Variants in PTK2 observed in about 807,000 individuals in gnomAD.
The protein encoded by PTK2 is protein tyrosine kinase 2.
A neutral mutation model predicts 150.1 loss-of-function variants in PTK2; 45 were observed. That is an observed-to-expected ratio of 0.30 (90% CI 0.24 to 0.38). PTK2 has a LOEUF of 0.38. PTK2 is among the 10% of genes least tolerant of loss of function. PTK2 has a pLI of 1.00. For missense variants in PTK2, 919 were observed against 1,307.3 expected, an observed-to-expected ratio of 0.70 and a Z score of 4.58; for synonymous variants, 432 against 449.2, an observed-to-expected ratio of 0.96 and a Z score of 0.48.
At chr8:140,752,197 CAA>C (rs1265925076) in intron 17 of PTK2, 33 bp downstream of exon 20, 2 of 1,533,794 alleles carry the variant, frequency 1.3e-6, no homozygotes, top group Non-Finnish European at 1.8e-6. Context: ...GATAGAAAGT[CAA>C]ATGGAGTTCC....
intron 1 of PTK2, among the ~76,000 whole-genome samples, chr8:140,991,722 T>G (rs373597136): frequency 3.7e-4 from 56 of 152,170 alleles, no homozygotes; most frequent in African/African-American, 1.3e-3. Flanking sequence ...TTAAAAACCT[T>G]GCGAGGCCAG....
chr8:140,691,619 G>A (rs1434253447), intron 26 of PTK2, among the ~76,000 whole-genome samples: 1 of 152,146 alleles, frequency 6.6e-6, no homozygotes, highest in Admixed American at 6.5e-5. Context: ...CTAGAACACC[G>A]GACAAACAGG....
At chr8:140,888,919 A>G (rs1418041892) in intron 3 of PTK2, among the ~76,000 whole-genome samples, 4 of 152,204 alleles carry the variant, frequency 2.6e-5, no homozygotes, top group African/African-American at 7.2e-5. Flanking sequence ...ACATACACTA[A>G]AAGCCTTACA....
intron 2 of PTK2, among the ~76,000 whole-genome samples, chr8:140,900,390 T>C (rs1481257484): frequency 1.3e-5 from 2 of 151,860 alleles, no homozygotes; most frequent in Non-Finnish European, 2.9e-5. Context: ...AAGAAGTAAA[T>C]GATCAACATA....
chr8:140,798,173 T>C (rs1330446482), intron 12 of PTK2, among the ~76,000 whole-genome samples: 1 of 152,140 alleles, frequency 6.6e-6, no homozygotes, highest in Non-Finnish European at 1.5e-5. Context: ...AGGAAAACGG[T>C]ACATTAGAGT....
chr8:140,726,381 T>C (rs979994482), intron 22 of PTK2, among the ~76,000 whole-genome samples: 1 of 152,172 alleles, frequency 6.6e-6, no homozygotes, highest in Non-Finnish European at 1.5e-5. Context: ...CTAAATTTTA[T>C]AAAAGATATG....
At chr8:140,917,540 G>C (rs1290686050) in intron 2 of PTK2, among the ~76,000 whole-genome samples, 1 of 152,288 alleles carries the variant, frequency 6.6e-6, no homozygotes, top group East Asian at 1.9e-4. Context: ...AATGAAATTA[G>C]AATGGCCAAA....
chr8:140,661,410 T>C (rs1344122233), intron 31 of PTK2, among the ~76,000 whole-genome samples: 2 of 152,220 alleles, frequency 1.3e-5, no homozygotes, highest in South Asian at 2.1e-4. Context: ...GTTGTTTGCA[T>C]GTGTGTAGGG....
At chr8:140,662,246 G>A (rs1563787484) in intron 31 of PTK2, among the ~76,000 whole-genome samples, 2 of 151,778 alleles carry the variant, frequency 1.3e-5, no homozygotes, top group Admixed American at 1.3e-4. Context: ...ATAGTGAGCT[G>A]TGATGGAGTC....
chr8:140,984,836 C>T (rs1314649361), intron 1 of PTK2, among the ~76,000 whole-genome samples: 1 of 152,048 alleles, frequency 6.6e-6, no homozygotes, highest in East Asian at 1.9e-4. Context: ...GAGTAATAGA[C>T]AATAAGGGAA....
At chr8:140,754,510 AT>A (rs2100064580) in intron 16 of PTK2, among the ~76,000 whole-genome samples, 1 of 152,192 alleles carries the variant, frequency 6.6e-6, no homozygotes, top group Non-Finnish European at 1.5e-5. Flanking sequence ...GAAAATGTCC[AT>A]TTTATAGACG....
chr8:140,783,719 T>C (rs1216181440), intron 14 of PTK2, among the ~76,000 whole-genome samples: 2 of 152,238 alleles, frequency 1.3e-5, no homozygotes, highest in East Asian at 3.8e-4. Context: ...TTAAATGTTT[T>C]AATAGTTCAG....
chr8:140,666,624 C>A lies in PTK2; in HGVS notation c.2866-1627G>T, dbSNP rs560039507. Among the ~76,000 whole-genome samples, 4 of 152,158 alleles carry A rather than the reference C, an allele frequency of 2.6e-5. No homozygotes were observed. In the East Asian group the frequency reaches 5.8e-4, roughly 22 times the overall value. On this transcript the variant is annotated intron_variant, in intron 30 of 31. Coordinates refer to ENST00000522684, the Ensembl canonical transcript of PTK2. ...TTCAAAATAACCCCCCAGAAAATAA[C>A]ACGTTTTGGTGAGAATATGGAGAAA...
At position 140,700,751 on chromosome 8, in the gene PTK2, C is replaced by T. The variant is rs2100029750; in HGVS notation, c.2499+140G>A. The T allele has an allele frequency of 4.4e-6, 5 of 1,124,478 alleles. No homozygotes were observed. In the African/African-American group the frequency reaches 6.3e-5, roughly 14 times the overall value. The allele number at this position is 1,124,478 out of a possible 1,614,324, so 69.7% of individuals were successfully genotyped here. ...TCAGCCTCCCAAATAGGCCACCATG[C>T]CTGGCCTATTCCAAGTTTTAAGAAG... On this transcript the variant is annotated intron_variant, in intron 26 of 31. Coordinates refer to ENST00000522684, the Ensembl canonical transcript of PTK2.
chr8:140,905,783 C>T (rs2100160638), intron 2 of PTK2, among the ~76,000 whole-genome samples: 1 of 152,114 alleles, frequency 6.6e-6, no homozygotes, highest in Non-Finnish European at 1.5e-5. Context: ...TAAAATACTC[C>T]TCAGCAAATG....
At chr8:140,839,198 G>A (rs988410963) in intron 7 of PTK2, among the ~76,000 whole-genome samples, 3 of 152,224 alleles carry the variant, frequency 2.0e-5, no homozygotes, top group South Asian at 4.2e-4. Flanking sequence ...TTTCTGGACC[G>A]ACGGTACCTG....
chr8:140,963,604 T>A (rs754970537), intron 1 of PTK2, among the ~76,000 whole-genome samples: 1 of 152,216 alleles, frequency 6.6e-6, no homozygotes, highest in Admixed American at 6.5e-5. Context: ...TCTTCACCAG[T>A]ACCTACCTGA....
chr8:140,960,937 AC>A (rs2100182962), intron 1 of PTK2, among the ~76,000 whole-genome samples: 1 of 152,116 alleles, frequency 6.6e-6, no homozygotes, highest in African/African-American at 2.4e-5. Context: ...CCAAGATCAC[AC>A]CACTGCAATC....
rs1569137979 is a variant in PTK2 at position 140,932,050 on chromosome 8, A to G, written c.-121-6301T>C. On this transcript the variant is annotated intron_variant, in intron 1 of 31. Transcript: ENST00000522684. ...AATGCCTCAGCCTAGTCCTGCTGGC[A>G]CTGTCCAAAGATCCATTTCCACATT... Among the ~76,000 whole-genome samples, 6 of 151,214 alleles carry G rather than the reference A, an allele frequency of 4.0e-5. No individual in the cohort carries two copies. In the South Asian group the frequency reaches 1.3e-3, roughly 32 times the overall value.
Sources: allele counts gnomAD v4.1 joint callset (sites outside exome capture counted in the v4.1 genomes callset), GRCh38; gene constraint gnomAD v4.1.1; transcripts MANE v1.5; gene names NCBI Gene and HGNC (gene_info 2026-07-23, HGNC 2026-07-21).